NEK10: variants seen among roughly 807,000 people sequenced by gnomAD.
The protein encoded by NEK10 is serine/threonine-protein kinase Nek10.
In NEK10, 122 loss-of-function variants were observed where a neutral mutation model predicts 159.8. The ratio of observed to expected loss-of-function variants is 0.76; its 90% CI spans 0.66 to 0.89. The LOEUF is 0.89. Among genes scored for constraint, NEK10 ranks in the 40% least tolerant of loss-of-function variants. The probability of loss-of-function intolerance (pLI) is 0.00; values close to 1 mark genes in which losing one functional copy is unlikely to be tolerated. For synonymous variants in NEK10, 466 were observed against 457.1 expected (o/e 1.02, Z -0.25); for missense variants, 1,342 against 1,323.1 (o/e 1.01, Z -0.22).
chr3:27,305,674 T>C (rs2044191604), intron 11 of NEK10, among the ~76,000 whole-genome samples: 1 of 151,670 alleles, frequency 6.6e-6, no homozygotes, highest in East Asian at 1.9e-4. Flanking sequence ...AAACTTACTA[T>C]GTAATTGCAA....
intron 1 of NEK10, among the ~76,000 whole-genome samples, chr3:27,364,284 G>A (rs991061517): frequency 6.6e-6 from 1 of 151,610 alleles, no homozygotes; most frequent in Non-Finnish European, 1.5e-5. Flanking sequence ...AAGCGATAGC[G>A]ATTCTCCTGC....
At chr3:27,190,265 TGA>T (rs1446776469) in intron 26 of NEK10, among the ~76,000 whole-genome samples, 8 of 152,194 alleles carry the variant, frequency 5.3e-5, no homozygotes, top group Non-Finnish European at 1.2e-4. Context: ...GGCGATAGCC[TGA>T]AATCTATATT....
chr3:27,124,461 G>C (rs1209102825), intron 32 of NEK10, among the ~76,000 whole-genome samples: 1 of 152,148 alleles, frequency 6.6e-6, no homozygotes, highest in Non-Finnish European at 1.5e-5. Flanking sequence ...TATTCTAGCT[G>C]ATTCTTACAA....
intron 14 of NEK10, 48 bp downstream of exon 14, chr3:27,297,131 G>A (rs1231038110): frequency 8.1e-7 from 1 of 1,238,842 alleles, no homozygotes. Context: ...AAGGTGAGTT[G>A]ATTATGAATG....
At chr3:27,253,455 T>C (rs1431048794) in intron 23 of NEK10, among the ~76,000 whole-genome samples, 3 of 152,180 alleles carry the variant, frequency 2.0e-5, no homozygotes, top group Non-Finnish European at 2.9e-5. Context: ...TTGAGAAGGA[T>C]AACAAATACC....
At chr3:27,133,321 C>T (rs890325953) in intron 31 of NEK10, among the ~76,000 whole-genome samples, 2 of 152,142 alleles carry the variant, frequency 1.3e-5, no homozygotes, top group African/African-American at 4.8e-5. Flanking sequence ...AAGATAATGG[C>T]AGAGCAAAGA....
chr3:27,149,471 T>G (rs1194329319), intron 30 of NEK10, among the ~76,000 whole-genome samples: 1 of 152,234 alleles, frequency 6.6e-6, no homozygotes, highest in Non-Finnish European at 1.5e-5. Flanking sequence ...CTGTGTCACA[T>G]TTTGGTAATT....
intron 31 of NEK10, among the ~76,000 whole-genome samples, chr3:27,135,592 A>G (rs916116124): frequency 2.6e-5 from 4 of 152,250 alleles, no homozygotes; most frequent in African/African-American, 9.6e-5. Context: ...CTCCAAGAAT[A>G]CATCAGAAGA....
chr3:27,143,292 A>T (rs569886574), intron 30 of NEK10, among the ~76,000 whole-genome samples: 83 of 152,324 alleles, frequency 5.4e-4, no homozygotes, highest in African/African-American at 1.8e-3. Context: ...GATTTTTTAA[A>T]ATCATTTTTA....
rs34221830 is a variant in NEK10, at chr3:27,282,640, T to TTA, written c.2014+1960_2014+1961dup. Among the ~76,000 whole-genome samples, 187 of 35,934 alleles carry TTA rather than the reference T, an allele frequency of 5.2e-3. 1 individual carries two copies. The highest frequency in any genetic ancestry group is 0.014 in the Middle Eastern group (1 of 72). 23.6% of individuals were successfully genotyped at this position (35,934 alleles called of 152,430 possible). A position where few individuals can be genotyped will look rare whatever the true frequency, so the allele number is the denominator to read the frequency against. On this transcript the variant is annotated intron_variant, in intron 22 of 35. Coordinates refer to ENST00000691995, the MANE Select transcript of NEK10 (RefSeq NM_001394966.1). ...TGTTATATATATATACATAACTGTG[T>TTA]TATATATATACATAACTGTGTTATA...
rs10525422 is a variant in NEK10, at chr3:27,282,538, T to TTATATATATATATATATATA, written c.2014+2044_2014+2063dup. Among the ~76,000 whole-genome samples, 9 of 42,132 alleles carry TTATATATATATATATATATA rather than the reference T, an allele frequency of 2.1e-4. 1 individual carries two copies. Among genetic ancestry groups the TTATATATATATATATATATA allele is most frequent in the African/African-American group, 6.9e-4 (8 of 11,528 alleles). 27.6% of individuals were successfully genotyped at this position (42,132 alleles called of 152,430 possible). A position where few individuals can be genotyped will look rare whatever the true frequency, so the allele number is the denominator to read the frequency against. ...TCTGTTGTATATATACATAAATGTGTTATATATATATATATATATATACAT... is the reference window on the plus strand; with the variant it reads ...TCTGTTGTATATATACATAAATGTGTTATATATATATATATATATATATATATATATATATATATATACAT... On this transcript the variant is annotated intron_variant, in intron 22 of 35. Coordinates refer to ENST00000691995, the MANE Select transcript of NEK10 (RefSeq NM_001394966.1).
At chr3:27,183,480 C>T (rs1364507780) in intron 26 of NEK10, among the ~76,000 whole-genome samples, 3 of 150,524 alleles carry the variant, frequency 2.0e-5, no homozygotes, top group African/African-American at 4.9e-5. Context: ...AAAACATTTA[C>T]AAAAATATAA....
At chr3:27,324,844 C>A (rs775305884) in intron 5 of NEK10, among the ~76,000 whole-genome samples, 3 of 152,168 alleles carry the variant, frequency 2.0e-5, no homozygotes, top group Admixed American at 6.5e-5. Context: ...CCTGGCCTCC[C>A]CATTACACCT....
chr3:27,138,796 G>A (rs1411080431), intron 31 of NEK10, among the ~76,000 whole-genome samples: 2 of 152,198 alleles, frequency 1.3e-5, no homozygotes, highest in African/African-American at 2.4e-5. Context: ...TCCATGGCAT[G>A]CAGTTGCATC....
rs1048711471 is a variant in NEK10, at chr3:27,307,710, C to T, written c.803+149G>A. 4.6e-5 allele frequency: 28 copies of T among 613,484 alleles called. No homozygotes were observed. In the African/African-American group the frequency reaches 5.2e-4, roughly 11 times the overall value. The allele number at this position is 613,484 out of a possible 1,614,324, so 38.0% of individuals were successfully genotyped here. A position where few individuals can be genotyped will look rare whatever the true frequency, so the allele number is the denominator to read the frequency against. ...TGGATATACTTCTTTGCTCTATTTT[C>T]TTTATATAAACTTAAACAGAAAATA... On this transcript the variant is annotated intron_variant, in intron 11 of 35. Transcript: ENST00000691995.
intron 1 of NEK10, among the ~76,000 whole-genome samples, chr3:27,367,910 G>C (rs530621845): frequency 5.4e-4 from 83 of 152,322 alleles, no homozygotes; most frequent in African/African-American, 1.8e-3. Flanking sequence ...ACTGCTGATA[G>C]AAGGCCTAAC....
intron 30 of NEK10, among the ~76,000 whole-genome samples, chr3:27,151,292 C>T (rs140386042): frequency 1.3e-5 from 2 of 152,222 alleles, no homozygotes; most frequent in East Asian, 3.9e-4. Context: ...GCACTGGCAC[C>T]CACGGTTGAG....
intron 23 of NEK10, chr3:27,255,274 C>T: frequency 2.3e-6 from 1 of 434,698 alleles, no homozygotes; most frequent in Admixed American, 2.5e-5. Flanking sequence ...GTTAGCCTGC[C>T]ACAGTTTCTT....
intron 22 of NEK10, among the ~76,000 whole-genome samples, chr3:27,270,163 A>G (rs2041220044): frequency 6.6e-6 from 1 of 152,310 alleles, no homozygotes; most frequent in Non-Finnish European, 1.5e-5. Flanking sequence ...ACAGCTTCCA[A>G]TTGTGTTGTG....
Sources: gnomAD v4.1 joint callset for allele counts (sites outside exome capture counted in the v4.1 genomes callset) on GRCh38, gnomAD v4.1.1 for gene constraint, MANE v1.5 for transcripts, NCBI Gene and HGNC (gene_info 2026-07-23, HGNC 2026-07-21) for gene names.